The following PRL variants were observed in gnomAD, a reference collection of about 807,000 sequenced individuals.
The protein encoded by PRL is prolactin, also known as decidual prolactin.
Under a neutral mutation model 21.3 loss-of-function variants are expected in PRL, and 24 were observed. That is an observed-to-expected ratio of 1.13 (90% CI 0.82 to 1.59). The LOEUF (loss-of-function observed/expected upper bound fraction) is 1.59, where lower values mean the gene tolerates loss of function less well. Ranked by LOEUF, PRL falls within the 40% of genes most tolerant of loss-of-function variation. The pLI is 0.00. For missense variants in PRL, 243 were observed against 286.9 expected, an observed-to-expected ratio of 0.85 and a Z score of 1.10; for synonymous variants, 118 against 115.7, an observed-to-expected ratio of 1.02 and a Z score of -0.13.
chr6:22,291,585 A>T (rs182033262), intron 3 of PRL, among the ~76,000 whole-genome samples: 131 of 152,152 alleles, frequency 8.6e-4, no homozygotes, highest in Admixed American at 2.6e-3. Context: ...AAAACTTAGG[A>T]TTCTTCAGTA....
upstream of PRL, chr6:22,297,536 G>C (rs1761204083): frequency 6.6e-6 from 1 of 152,358 alleles, no homozygotes; most frequent in African/African-American, 2.4e-5. Flanking sequence ...CTGTTACACT[G>C]TCATTAAATT....
intron 1 of PRL, among the ~76,000 whole-genome samples, chr6:22,296,421 T>C (rs1761174073): frequency 6.6e-6 from 1 of 152,224 alleles, no homozygotes; most frequent in South Asian, 2.1e-4. Flanking sequence ...AGTGTCTATT[T>C]TATGGCTTCA....
chr6:22,289,173 T>C (rs1760995750), intron 4 of PRL, among the ~76,000 whole-genome samples: 1 of 152,092 alleles, frequency 6.6e-6, no homozygotes, highest in Non-Finnish European at 1.5e-5. Flanking sequence ...AACTGGAAAA[T>C]CAAGGTATTT....
chr6:22,291,947 G>A (rs1039566544), intron 3 of PRL, among the ~76,000 whole-genome samples: 1 of 152,174 alleles, frequency 6.6e-6, no homozygotes, highest in African/African-American at 2.4e-5. Context: ...GCTGTGAAAA[G>A]CAAAATATTA....
At chr6:22,295,597 G>A (rs1005853300) in intron 1 of PRL, among the ~76,000 whole-genome samples, 6 of 152,170 alleles carry the variant, frequency 3.9e-5, no homozygotes, top group African/African-American at 7.2e-5. Context: ...GATCTTTGCT[G>A]AAGGTTTTCA....
intron 2 of PRL, among the ~76,000 whole-genome samples, chr6:22,293,658 G>GGAAAAAAGGAAGGAAGGAAGGAAA (rs1491460434): frequency 6.3e-5 from 2 of 31,686 alleles, no homozygotes; most frequent in African/African-American, 2.7e-4. Flanking sequence ...AAGGAAGGAA[G>GGAAAAAAGGAAGGAAGGAAGGAAA]GAAGGAAGGA....
rs151282935 is a variant in PRL, at chr6:22,292,581, G to A, written c.269C>T (p.Ser90Phe). The change falls in exon 3 of 5, where the codon TCC (serine) becomes TTC (phenylalanine). Residue 90 changes from serine to phenylalanine, a missense_variant. Transcript: ENST00000306482. ...TKAINSCHTSSLATPEDKEQA... is the reference protein window; with the variant it reads ...TKAINSCHTSFLATPEDKEQA... ...CTCCTTGTCTTCGGGGGTGGCAAGGGAAGAAGTGTGGCAGCTGTTGATGGC... is the reference window on the plus strand; with the variant it reads ...CTCCTTGTCTTCGGGGGTGGCAAGGAAAGAAGTGTGGCAGCTGTTGATGGC... 235 of 1,614,160 alleles carry A rather than the reference G, an allele frequency of 1.5e-4. No individual in the cohort carries two copies. Among genetic ancestry groups the A allele is most frequent in the African/African-American group, 1.1e-3 (79 of 75,044 alleles).
rs114971761 is a variant in PRL, at chr6:22,288,924, G to A, written c.492+1250C>T. 0.012 allele frequency among the ~76,000 whole-genome samples: 1,809 copies of A among 150,286 alleles called. 41 individuals carry two copies. Among genetic ancestry groups the A allele is most frequent in the African/African-American group, 0.042 (1,700 of 40,960 alleles). On this transcript the variant is annotated intron_variant, in intron 4 of 4. Transcript: ENST00000306482. The surrounding 1 kb of genome is among the most constrained non-coding windows in gnomAD (Gnocchi z 4.5). ...TGTGCGCGCGCGTGTGTGTGCGTGC[G>A]CGTGTGTGTGCATGTGTGTGTGCGT...
upstream of PRL, among the ~76,000 whole-genome samples, chr6:22,300,878 C>T (rs1761270853): frequency 6.6e-6 from 1 of 152,178 alleles, no homozygotes; most frequent in African/African-American, 2.4e-5. Context: ...TATGAAGTCT[C>T]TATGAATTGT....
rs1239887320 is a variant in PRL at position 22,288,964 on chromosome 6, G to C, written c.492+1210C>G. Among the ~76,000 whole-genome samples, 1 of 152,080 alleles carries C rather than the reference G, an allele frequency of 6.6e-6. No homozygotes were observed. Among genetic ancestry groups the C allele is most frequent in the East Asian group, 1.9e-4 (1 of 5,160 alleles). ...TGTGTGTGCGTGCGCGTGTGTGTGCGTGTGTGTATTCATTGACTGGCTTTA... is the reference window on the plus strand; with the variant it reads ...TGTGTGTGCGTGCGCGTGTGTGTGCCTGTGTGTATTCATTGACTGGCTTTA... On this transcript the variant is annotated intron_variant, in intron 4 of 4. Coordinates refer to ENST00000306482, the MANE Select transcript of PRL (RefSeq NM_000948.6). This position sits in a 1 kb window ranked among gnomAD's most constrained non-coding sequence, Gnocchi z 4.5.
At chr6:22,294,606 C>CAG (rs1217832757) in intron 1 of PRL, 22 bp from the exon 2 acceptor site, 3 of 1,533,034 alleles carry the variant, frequency 2.0e-6, no homozygotes, top group South Asian at 2.5e-5. Context: ...AGAACGCGAG[C>CAG]CACTCTGAGA....
chr6:22,295,470 TG>T (rs2113513838), intron 1 of PRL, among the ~76,000 whole-genome samples: 1 of 152,302 alleles, frequency 6.6e-6, no homozygotes, highest in African/African-American at 2.4e-5. Flanking sequence ...TTACATAGGT[TG>T]TTGCTGTCAC....
upstream of PRL, among the ~76,000 whole-genome samples, chr6:22,300,130 A>G (rs1761256387): frequency 6.6e-6 from 1 of 152,202 alleles, no homozygotes; most frequent in African/African-American, 2.4e-5. Context: ...GACAATGTAA[A>G]GGGCACATTG....
chr6:22,292,525 A>T lies in PRL; in HGVS notation c.312+13T>A. The T allele has an allele frequency of 6.2e-7, 1 of 1,611,714 alleles. No homozygotes were observed. Among genetic ancestry groups the T allele is most frequent in the Non-Finnish European group, 8.5e-7 (1 of 1,177,892 alleles). On this transcript the variant is annotated intron_variant, in intron 3 of 4. Transcript: ENST00000306482. ...TTGGTTGTTTTGGTGCAAAGCCTGG[A>T]TGAAGGACTCACATTCATCTGTTGG...
chr6:22,297,026 G>A lies in PRL; in HGVS notation c.-44C>T. The A allele has an allele frequency of 6.2e-7, 1 of 1,607,776 alleles. No individual in the cohort carries two copies. The highest frequency in any genetic ancestry group is 8.5e-7 in the Non-Finnish European group (1 of 1,175,084). ...AAACACACTTCACCAGAGAAGATCT[G>A]GAAGTCTCACGGTTTTCTCTTTCCC... On this transcript the variant is annotated 5_prime_UTR_variant, in exon 1 of 5. Transcript: ENST00000306482.
chr6:22,296,137 A>G (rs530422746), intron 1 of PRL, among the ~76,000 whole-genome samples: 11 of 152,346 alleles, frequency 7.2e-5, no homozygotes, highest in Non-Finnish European at 8.8e-5. Context: ...GAAATTCACA[A>G]CTGGATAGAT....
At chr6:22,297,608 T>G (rs1020397103), upstream of PRL, 1 of 152,474 alleles carries the variant, frequency 6.6e-6, no homozygotes, top group African/African-American at 2.4e-5. Flanking sequence ...TTTTGTTTTG[T>G]CTTTTTAAAA....
Position 22,294,586 on chromosome 6 carries a change from T to C in PRL, c.29-2A>G. The C allele has an allele frequency of 6.4e-7, 1 of 1,561,482 alleles. No homozygotes were observed. On this transcript the variant is annotated splice_acceptor_variant, in intron 1 of 4. Coordinates refer to ENST00000306482, the MANE Select transcript of PRL (RefSeq NM_000948.6). LOFTEE classifies it high-confidence loss of function. ...ACACCAGCAGCAGCAGGAGGGACCC[T>C]GCTTAAATAAGAACGCGAGCCACTC... is the stretch of plus-strand genomic sequence containing the variant.
In PRL at chr6:22,293,658, G is replaced by A. The variant is rs2655424; in HGVS notation, c.204+751C>T. Among the ~76,000 whole-genome samples the A allele has an allele frequency of 5.3e-3, 167 of 31,670 alleles. 1 individual carries two copies. Among genetic ancestry groups the A allele is most frequent in the East Asian group, 0.024 (25 of 1,040 alleles). 20.8% of individuals were successfully genotyped at this position (31,670 alleles called of 152,430 possible). On this transcript the variant is annotated intron_variant, in intron 2 of 4. Coordinates refer to ENST00000306482, the MANE Select transcript of PRL (RefSeq NM_000948.6). ...AGGAAGGAAGGAAGGAAGGAAGGAA[G>A]GAAGGAAGGAAGGAGGGAAGGAAGG...
Sources: gnomAD v4.1 joint callset for allele counts (sites outside exome capture counted in the v4.1 genomes callset) on GRCh38, gnomAD v4.1.1 for gene constraint, Gnocchi (gnomAD v3.1) non-coding constraint, MANE v1.5 for transcripts, NCBI Gene and HGNC (gene_info 2026-07-23, HGNC 2026-07-21) for gene names.